Variants in HECW2 observed in about 807,000 individuals in gnomAD.
HECW2 encodes HECT, C2 and WW domain containing E3 ubiquitin protein ligase 2.
In HECW2, 61 loss-of-function variants were observed where a neutral mutation model predicts 175.2. The observed-to-expected ratio is 0.35, with a 90% CI of 0.28 to 0.43. The LOEUF is 0.43. Among genes scored for constraint, HECW2 ranks in the 20% least tolerant of loss-of-function variants. The pLI, the probability that HECW2 is intolerant of heterozygous loss-of-function variation, is 1.00. For synonymous variants in HECW2, 671 were observed against 731.0 expected (o/e 0.92, Z 1.32); for missense variants, 1,524 against 2,000.5 (o/e 0.76, Z 4.54).
At chr2:196,378,786 G>A (rs1443509246) in intron 2 of HECW2, among the ~76,000 whole-genome samples, 1 of 152,044 alleles carries the variant, frequency 6.6e-6, no homozygotes, top group Non-Finnish European at 1.5e-5. Flanking sequence ...CAATGCATAA[G>A]AAAATAATAT....
intron 1 of HECW2, among the ~76,000 whole-genome samples, chr2:196,559,992 C>T (rs920719935): frequency 8.5e-5 from 13 of 152,260 alleles, no homozygotes; most frequent in South Asian, 2.1e-4. Context: ...CAGAGAGGGA[C>T]GGTCCCATGA....
chr2:196,471,138 C>G (rs961917881), intron 1 of HECW2, among the ~76,000 whole-genome samples: 6 of 152,154 alleles, frequency 3.9e-5, no homozygotes, highest in Admixed American at 3.9e-4. Context: ...TTTAGCAATT[C>G]TACTCCTAAG....
intron 13 of HECW2, among the ~76,000 whole-genome samples, chr2:196,300,029 C>T (rs759892172): frequency 3.3e-5 from 5 of 152,126 alleles, no homozygotes; most frequent in Admixed American, 1.3e-4. Flanking sequence ...TGTATGAAGA[C>T]GGCAGCCCAA....
intron 1 of HECW2, among the ~76,000 whole-genome samples, chr2:196,462,181 C>T (rs960494112): frequency 6.6e-6 from 1 of 151,638 alleles, no homozygotes; most frequent in Non-Finnish European, 1.5e-5. Flanking sequence ...AATAATAAAA[C>T]CTGGATTGTT....
At chr2:196,412,664 A>G (rs903732155) in intron 2 of HECW2, among the ~76,000 whole-genome samples, 5 of 152,208 alleles carry the variant, frequency 3.3e-5, no homozygotes, top group African/African-American at 1.2e-4. Context: ...AGTCCCCTTC[A>G]CAATTACTGC....
At chr2:196,235,101 T>TA (rs1688192427) in intron 21 of HECW2, among the ~76,000 whole-genome samples, 2 of 3,422 alleles carry the variant, frequency 5.8e-4, no homozygotes, top group Admixed American at 0.011. Context: ...TATTTTTGTA[T>TA]TTTTTTTTTG....
At chr2:196,315,783 A>G (rs997236740) in intron 10 of HECW2, 3 of 152,214 alleles carry the variant, frequency 2.0e-5, no homozygotes, top group Admixed American at 1.3e-4. Flanking sequence ...ATCTGTCTTT[A>G]TTAAATACAA....
At position 196,217,239 on chromosome 2, in the gene HECW2, C is replaced by G. The variant is rs370492659; in HGVS notation, c.4409-146G>C. On this transcript the variant is annotated intron_variant, in intron 26 of 28. Transcript: ENST00000644978. ...ATAATTTTAAGACTAAGGAATAACACTGTATATATGATCATATGAATGTCA... is the reference window on the plus strand; with the variant it reads ...ATAATTTTAAGACTAAGGAATAACAGTGTATATATGATCATATGAATGTCA... The G allele has an allele frequency of 6.7e-4, 372 of 557,648 alleles. 4 individuals are homozygous for G. The highest frequency in any genetic ancestry group is 4.4e-3 in the East Asian group (134 of 30,560). 34.5% of individuals were successfully genotyped at this position (557,648 alleles called of 1,614,324 possible).
intron 28 of HECW2, among the ~76,000 whole-genome samples, chr2:196,203,464 GA>G (rs1048653532): frequency 2.6e-5 from 4 of 152,280 alleles, no homozygotes; most frequent in Middle Eastern, 3.4e-3. Context: ...GGAAGAAGCA[GA>G]AAAGTAGAAT....
At chr2:196,278,693 G>A (rs1219570101) in intron 14 of HECW2, 31 bp from the exon 15 acceptor site, 2 of 1,612,886 alleles carry the variant, frequency 1.2e-6, no homozygotes, top group Admixed American at 3.3e-5. Context: ...TCAAATACAT[G>A]CCGCTCACAT....
At chr2:196,504,621 C>T (rs1302080299) in intron 1 of HECW2, among the ~76,000 whole-genome samples, 1 of 152,144 alleles carries the variant, frequency 6.6e-6, no homozygotes, top group African/African-American at 2.4e-5. Context: ...TTCAGCAAGC[C>T]TCTACACCAG....
Position 196,451,427 on chromosome 2 carries a change from G to A in HECW2, c.-35-17969C>T, listed in dbSNP as rs113681935. Among the ~76,000 whole-genome samples, 1,011 of 126,688 alleles carry A rather than the reference G, an allele frequency of 8.0e-3. 15 individuals are homozygous for A. The highest frequency in any genetic ancestry group is 0.031 in the African/African-American group (949 of 30,580). 83.1% of individuals were successfully genotyped at this position (126,688 alleles called of 152,430 possible). A position where few individuals can be genotyped will look rare whatever the true frequency, so the allele number is the denominator to read the frequency against. On this transcript the variant is annotated intron_variant, in intron 1 of 28. Transcript: ENST00000644978. ...CAGCCTGGTGATGGAGCGAGACTCC[G>A]TCTCAAAAAAAAAAAAAAAAAAGAA...
chr2:196,481,048 AG>A (rs1663407038), intron 1 of HECW2, among the ~76,000 whole-genome samples: 1 of 152,258 alleles, frequency 6.6e-6, no homozygotes, highest in African/African-American at 2.4e-5. Context: ...ACTTGTAGTC[AG>A]TAGACACTGA....
chr2:196,209,757 C>CTT (rs1365319286), intron 28 of HECW2, among the ~76,000 whole-genome samples: 1 of 142,448 alleles, frequency 7.0e-6, no homozygotes, highest in African/African-American at 2.7e-5. Flanking sequence ...GTTTTTCTTT[C>CTT]TTTCTTTCTT....
chr2:196,453,488 A>T (rs917116659), intron 1 of HECW2, among the ~76,000 whole-genome samples: 2 of 152,144 alleles, frequency 1.3e-5, no homozygotes, highest in African/African-American at 4.8e-5. Flanking sequence ...GAAGGAGAGT[A>T]TTGTAATTAG....
intron 1 of HECW2, among the ~76,000 whole-genome samples, chr2:196,456,661 T>C (rs972448685): frequency 2.6e-5 from 4 of 152,204 alleles, no homozygotes; most frequent in Non-Finnish European, 4.4e-5. Context: ...ACAATGACAC[T>C]GAAGTGGGTC....
chr2:196,562,817 A>G (rs971062521), intron 1 of HECW2, among the ~76,000 whole-genome samples: 2 of 152,112 alleles, frequency 1.3e-5, no homozygotes, highest in African/African-American at 4.8e-5. Context: ...GCTGAGGCAG[A>G]AGGATCACTT....
At chr2:196,214,234 A>G (rs1687391120) in intron 28 of HECW2, among the ~76,000 whole-genome samples, 1 of 152,152 alleles carries the variant, frequency 6.6e-6, no homozygotes, top group Non-Finnish European at 1.5e-5. Flanking sequence ...CAGAGGTGGG[A>G]CTCAGCCTAG....
At chr2:196,473,351 C>T (rs1697291477) in intron 1 of HECW2, among the ~76,000 whole-genome samples, 1 of 152,164 alleles carries the variant, frequency 6.6e-6, no homozygotes, top group Non-Finnish European at 1.5e-5. Context: ...ACATAACAGA[C>T]ACAAATCTAA....
Sources: gnomAD v4.1 joint callset for allele counts (sites outside exome capture counted in the v4.1 genomes callset) on GRCh38, gnomAD v4.1.1 for gene constraint, MANE v1.5 for transcripts, NCBI Gene and HGNC (gene_info 2026-07-23, HGNC 2026-07-21) for gene names.